The following LRMDA variants were observed in gnomAD, a reference collection of about 807,000 sequenced individuals.
The protein encoded by LRMDA is leucine-rich melanocyte differentiation-associated protein.
In LRMDA, 18 loss-of-function variants were observed where a neutral mutation model predicts 29.8. That is an observed-to-expected ratio of 0.60 (90% confidence interval 0.42 to 0.90). The LOEUF is 0.90. Among genes scored for constraint, LRMDA ranks in the 40% least tolerant of loss-of-function variants. The probability of loss-of-function intolerance (pLI) is 0.00; values close to 1 mark genes in which losing one functional copy is unlikely to be tolerated. For synonymous variants in LRMDA, 125 were observed against 109.4 expected, an observed-to-expected ratio of 1.14 and a Z score of -0.89; for missense variants, 273 against 273.9, an observed-to-expected ratio of 1.00 and a Z score of 0.02.
chr10:76,040,701 T>C (rs1323273976), intron 3 of LRMDA, among the ~76,000 whole-genome samples: 3 of 152,188 alleles, frequency 2.0e-5, no homozygotes, highest in Non-Finnish European at 2.9e-5. Context: ...CCAAGTAAGG[T>C]TGACCACCTG....
intron 2 of LRMDA, among the ~76,000 whole-genome samples, chr10:75,949,525 G>A (rs958195210): frequency 6.6e-6 from 1 of 152,186 alleles, no homozygotes; most frequent in Admixed American, 6.5e-5. Flanking sequence ...ACAAGGGTTG[G>A]GGGAAGGCCA....
At chr10:76,148,909 C>T (rs1850385117) in intron 5 of LRMDA, among the ~76,000 whole-genome samples, 1 of 152,148 alleles carries the variant, frequency 6.6e-6, no homozygotes, top group Non-Finnish European at 1.5e-5. Flanking sequence ...CCTAGAGTTT[C>T]TCTTGGAATA....
intron 5 of LRMDA, among the ~76,000 whole-genome samples, chr10:76,216,155 A>G (rs1851725362): frequency 6.6e-6 from 1 of 152,136 alleles, no homozygotes; most frequent in African/African-American, 2.4e-5. Context: ...GGAGTTAGAG[A>G]CCAGTCTGGG....
intron 2 of LRMDA, among the ~76,000 whole-genome samples, chr10:75,820,119 C>T (rs1005819894): frequency 6.6e-6 from 1 of 152,122 alleles, no homozygotes; most frequent in African/African-American, 2.4e-5. Context: ...AGAAAAACAA[C>T]AAACCCTGGA....
chr10:75,768,631 CG>C (rs1564563134), intron 2 of LRMDA, among the ~76,000 whole-genome samples: 1 of 152,184 alleles, frequency 6.6e-6, no homozygotes, highest in Non-Finnish European at 1.5e-5. Context: ...TCTCCAAATG[CG>C]GTCTTTCAGT....
intron 2 of LRMDA, among the ~76,000 whole-genome samples, chr10:75,680,550 A>G (rs1486432689): frequency 6.6e-6 from 1 of 152,180 alleles, no homozygotes; most frequent in Non-Finnish European, 1.5e-5. Context: ...ACCTTCTTAC[A>G]TATTGTATAT....
At chr10:75,831,703 C>T (rs1024488211) in intron 2 of LRMDA, among the ~76,000 whole-genome samples, 4 of 152,230 alleles carry the variant, frequency 2.6e-5, no homozygotes, top group Non-Finnish European at 4.4e-5. Flanking sequence ...CTCCCCACCC[C>T]TGCAGCAAAC....
chr10:76,017,081 G>A (rs1305134397), intron 2 of LRMDA, among the ~76,000 whole-genome samples: 2 of 152,224 alleles, frequency 1.3e-5, no homozygotes, highest in African/African-American at 2.4e-5. Flanking sequence ...GTTAAGAAGC[G>A]CTCATACTGG....
intron 2 of LRMDA, 99 bp from the exon 3 acceptor site, chr10:76,035,909 C>T: frequency 5.8e-6 from 7 of 1,213,436 alleles, no homozygotes; most frequent in South Asian, 1.5e-5. Flanking sequence ...CCAAACTATT[C>T]CCAGTCCTGA....
At chr10:76,350,422 C>T (rs371565672) in intron 6 of LRMDA, among the ~76,000 whole-genome samples, 3 of 151,242 alleles carry the variant, frequency 2.0e-5, no homozygotes, top group Non-Finnish European at 4.4e-5. Context: ...TCAAAAGAAA[C>T]GTTCATTATG....
chr10:75,928,911 C>T (rs931280831), intron 2 of LRMDA, among the ~76,000 whole-genome samples: 2 of 152,284 alleles, frequency 1.3e-5, no homozygotes, highest in Middle Eastern at 3.4e-3. Flanking sequence ...AGGTGCAACA[C>T]TGCCTGTATC....
chr10:75,778,618 G>A (rs1283667143), intron 2 of LRMDA, among the ~76,000 whole-genome samples: 3 of 152,150 alleles, frequency 2.0e-5, no homozygotes, highest in Non-Finnish European at 4.4e-5. Context: ...ACAGAAGTAG[G>A]ATCAGACATA....
chr10:75,942,560 C>A (rs1486530523), intron 2 of LRMDA, among the ~76,000 whole-genome samples: 2 of 152,114 alleles, frequency 1.3e-5, no homozygotes, highest in Non-Finnish European at 2.9e-5. Flanking sequence ...AGTAATTAAC[C>A]AGAGAAGCAA....
At chr10:75,817,074 T>A (rs914727095) in intron 2 of LRMDA, among the ~76,000 whole-genome samples, 1 of 152,168 alleles carries the variant, frequency 6.6e-6, no homozygotes, top group Non-Finnish European at 1.5e-5. Flanking sequence ...TCGGTAGTGG[T>A]GGGATCATAT....
intron 2 of LRMDA, among the ~76,000 whole-genome samples, chr10:75,532,884 T>G (rs1845494418): frequency 6.6e-6 from 1 of 152,162 alleles, no homozygotes; most frequent in African/African-American, 2.4e-5. Context: ...CTGGTTTGTT[T>G]TGTATGAAGC....
At chr10:76,311,178 C>T (rs17377329) in intron 5 of LRMDA, among the ~76,000 whole-genome samples, 38,071 of 152,148 alleles carry the variant, frequency 0.25, 5,735 homozygotes, top group Non-Finnish European at 0.35. Context: ...AGAATGCACA[C>T]GTATCCTATT....
chr10:76,546,664 C>T (rs1478441896), intron 6 of LRMDA, among the ~76,000 whole-genome samples: 1 of 152,188 alleles, frequency 6.6e-6, no homozygotes, highest in East Asian at 1.9e-4. Flanking sequence ...AGGCCAGTAA[C>T]TCCAATTTGT....
At chr10:76,487,767 T>C (rs1273887883) in intron 6 of LRMDA, among the ~76,000 whole-genome samples, 1 of 151,872 alleles carries the variant, frequency 6.6e-6, no homozygotes, top group Non-Finnish European at 1.5e-5. Context: ...TTTACATAGA[T>C]AGGTTACGCA....
At chr10:75,837,765 A>T (rs1194271847) in intron 2 of LRMDA, among the ~76,000 whole-genome samples, 1 of 152,204 alleles carries the variant, frequency 6.6e-6, no homozygotes, top group Non-Finnish European at 1.5e-5. Flanking sequence ...TAAAATAAAA[A>T]AAAAAATTCC....
Sources: allele counts gnomAD v4.1 joint callset (sites outside exome capture counted in the v4.1 genomes callset), GRCh38; gene constraint gnomAD v4.1.1; transcripts MANE v1.5; gene names NCBI Gene and HGNC (gene_info 2026-07-23, HGNC 2026-07-21).